Variants in LARGE1 observed in about 807,000 individuals in gnomAD.
The protein encoded by LARGE1 is xylosyl- and glucuronyltransferase LARGE1.
Under a neutral mutation model 87.6 loss-of-function variants are expected in LARGE1, and 43 were observed. The observed-to-expected ratio is 0.49, with a 90% confidence interval of 0.38 to 0.63. The LOEUF (loss-of-function observed/expected upper bound fraction) is 0.63, where lower values mean the gene tolerates loss of function less well. LARGE1 is among the 30% of genes least tolerant of loss of function. The pLI, the probability that LARGE1 is intolerant of heterozygous loss-of-function variation, is 0.00. For synonymous variants in LARGE1, 434 were observed against 394.6 expected, an observed-to-expected ratio of 1.10 and a Z score of -1.18; for missense variants, 802 against 1,000.2, an observed-to-expected ratio of 0.80 and a Z score of 2.67.
intron 7 of LARGE1, among the ~76,000 whole-genome samples, chr22:33,431,353 A>G (rs2067074371): frequency 6.6e-6 from 1 of 151,732 alleles, no homozygotes; most frequent in South Asian, 2.1e-4. Context: ...AAGGACACCA[A>G]TAACAGAGAA....
chr22:33,550,122 G>A (rs1258979204), intron 6 of LARGE1, among the ~76,000 whole-genome samples: 2 of 146,336 alleles, frequency 1.4e-5, no homozygotes, highest in African/African-American at 2.6e-5. Context: ...TTGTGCACAT[G>A]TACCCTAGAA....
At chr22:33,405,747 A>G (rs530469694) in intron 7 of LARGE1, among the ~76,000 whole-genome samples, 65 of 152,326 alleles carry the variant, frequency 4.3e-4, no homozygotes, top group Non-Finnish European at 5.9e-4. Flanking sequence ...AAAGCACAGG[A>G]AGCACTTAGC....
At chr22:33,072,969 G>A in the LARGE1 span, among the ~76,000 whole-genome samples, 1 of 152,292 alleles carries the variant, frequency 6.6e-6, no homozygotes, top group East Asian at 1.9e-4. Context: ...ACATTTCTAG[G>A]CAAGGGAGAA....
intron 7 of LARGE1, among the ~76,000 whole-genome samples, chr22:33,409,650 A>G (rs1372763775): frequency 6.6e-6 from 1 of 152,146 alleles, no homozygotes; most frequent in East Asian, 1.9e-4. Context: ...TCACAAGGTC[A>G]GGAGATTGAG....
intron 11 of LARGE1, among the ~76,000 whole-genome samples, chr22:33,191,989 T>G (rs1923806423): frequency 6.6e-6 from 1 of 152,198 alleles, no homozygotes; most frequent in Non-Finnish European, 1.5e-5. Flanking sequence ...CTGAAGATTC[T>G]TATATGAAAA....
intron 11 of LARGE1, among the ~76,000 whole-genome samples, chr22:33,239,509 C>T (rs994442490): frequency 3.5e-4 from 52 of 150,198 alleles, no homozygotes; most frequent in African/African-American, 4.9e-4. Context: ...ATCTTTTGTA[C>T]GCCTTACTAT....
chr22:33,071,256 G>T, the LARGE1 span, among the ~76,000 whole-genome samples: 2 of 152,194 alleles, frequency 1.3e-5, no homozygotes, highest in Admixed American at 1.3e-4. Flanking sequence ...CCCACTTTGG[G>T]AAGAGGAGCC....
At chr22:33,777,014 C>G (rs1189642206) in intron 1 of LARGE1, among the ~76,000 whole-genome samples, 1 of 152,068 alleles carries the variant, frequency 6.6e-6, no homozygotes, top group African/African-American at 2.4e-5. Context: ...CAGGCAGACA[C>G]AAACACCACA....
intron 2 of LARGE1, among the ~76,000 whole-genome samples, chr22:33,664,909 C>T (rs1022686717): frequency 1.6e-4 from 25 of 152,148 alleles, no homozygotes; most frequent in African/African-American, 6.0e-4. Context: ...TATCAGACCA[C>T]ATGTCTATCC....
At chr22:33,373,511 C>G (rs1032735025) in intron 9 of LARGE1, among the ~76,000 whole-genome samples, 3 of 152,162 alleles carry the variant, frequency 2.0e-5, no homozygotes, top group African/African-American at 7.2e-5. Context: ...AGAAGTTCAA[C>G]TTTTGCTATA....
At chr22:33,771,046 CCA>C (rs1368556896) in intron 1 of LARGE1, among the ~76,000 whole-genome samples, 3 of 152,146 alleles carry the variant, frequency 2.0e-5, no homozygotes, top group Non-Finnish European at 4.4e-5. Flanking sequence ...CCACAGTCCC[CCA>C]CACAATCTCC....
intron 1 of LARGE1, among the ~76,000 whole-genome samples, chr22:33,838,945 G>C (rs1215922586): frequency 6.6e-6 from 1 of 152,196 alleles, no homozygotes; most frequent in Non-Finnish European, 1.5e-5. Flanking sequence ...GAGAGGAAGT[G>C]AATGTAGAAT....
chr22:33,596,953 G>C (rs1233928572), intron 5 of LARGE1, among the ~76,000 whole-genome samples: 1 of 152,186 alleles, frequency 6.6e-6, no homozygotes, highest in Non-Finnish European at 1.5e-5. Context: ...TGAACTGGGG[G>C]ATTCAGAAGG....
rs532719690 is a variant in LARGE1 at position 33,648,051 on chromosome 22, C to T, written c.408+2316G>A. Among the ~76,000 whole-genome samples the T allele has an allele frequency of 2.6e-5, 4 of 152,260 alleles. No homozygotes were observed. The East Asian group carries it at 5.8e-4, about 22-fold the overall frequency. On this transcript the variant is annotated intron_variant, in intron 3 of 14. Transcript: ENST00000397394. ...GGATTACAGGCATGAGCCACTGTGT[C>T]GGGCCCAGAACTTGATTTTAATCCA...
At chr22:33,244,602 GC>G (rs1926670854) in intron 11 of LARGE1, among the ~76,000 whole-genome samples, 1 of 152,286 alleles carries the variant, frequency 6.6e-6, no homozygotes, top group Non-Finnish European at 1.5e-5. Flanking sequence ...CACCAGATAT[GC>G]TTTTAGGGTC....
rs1046166 is a variant in LARGE1 at position 33,277,139 on chromosome 22, C to G, written c.1994G>C (p.Arg665Pro). The stretch of plus-strand genomic sequence containing the variant: ...CCTCCGGTCGTACTCCGGGCAGTCA[C>G]GTCTCACAACAACATACGGCTCAAA... Reference protein sequence around the residue: ...ADFEPYVVVRRDCPEYDRRFV... With the variant: ...ADFEPYVVVRPDCPEYDRRFV... Residue 665 changes from arginine to proline, a missense_variant, in exon 14 of 15, where the codon CGT becomes CCT. Transcript: ENST00000397394. 1 of 1,614,262 alleles carries G rather than the reference C, an allele frequency of 6.2e-7. No individual in the cohort carries two copies. Among genetic ancestry groups the G allele is most frequent in the Non-Finnish European group, 8.5e-7 (1 of 1,180,038 alleles).
chr22:33,498,683 T>C (rs2070276078), intron 6 of LARGE1, among the ~76,000 whole-genome samples: 1 of 152,022 alleles, frequency 6.6e-6, no homozygotes, highest in Non-Finnish European at 1.5e-5. Context: ...TTATAAAAAA[T>C]AAAACAGGCC....
the LARGE1 span, among the ~76,000 whole-genome samples, chr22:33,092,166 G>A: frequency 6.6e-6 from 1 of 152,092 alleles, no homozygotes; most frequent in Non-Finnish European, 1.5e-5. Flanking sequence ...CCAAAGTGCT[G>A]GGATTACAGG....
chr22:33,510,952 T>C (rs919557861), intron 6 of LARGE1, among the ~76,000 whole-genome samples: 1 of 152,216 alleles, frequency 6.6e-6, no homozygotes, highest in African/African-American at 2.4e-5. Context: ...TGGCAAATGG[T>C]CCCTGTTCTT....
Sources: gnomAD v4.1 joint callset for allele counts (sites outside exome capture counted in the v4.1 genomes callset) on GRCh38, gnomAD v4.1.1 for gene constraint, MANE v1.5 for transcripts, NCBI Gene and HGNC (gene_info 2026-07-23, HGNC 2026-07-21) for gene names.